MACROD2: variants seen among roughly 807,000 people sequenced by gnomAD.
The protein encoded by MACROD2 is ADP-ribose glycohydrolase MACROD2.
A neutral mutation model predicts 70.4 loss-of-function variants in MACROD2; 36 were observed. That is an observed-to-expected ratio of 0.51 (90% confidence interval 0.39 to 0.68). MACROD2 has a LOEUF of 0.68. Ranked by LOEUF, MACROD2 falls within the 30% of genes least tolerant of loss-of-function variation. The pLI, the probability that MACROD2 is intolerant of heterozygous loss-of-function variation, is 0.00. For missense variants in MACROD2, 496 were observed against 538.4 expected (o/e 0.92, Z 0.78); for synonymous variants, 172 against 178.8 (o/e 0.96, Z 0.30).
chr20:15,870,965 TCAGGAGTTTGAGAC>T (rs2064572198), intron 9 of MACROD2, among the ~76,000 whole-genome samples: 1 of 151,826 alleles, frequency 6.6e-6, no homozygotes, highest in Non-Finnish European at 1.5e-5. Flanking sequence ...GATCACAAGG[TCAGGAGTTTGAGAC>T]CAGCCTGGCA....
chr20:14,127,220 A>G (rs2054662624), intron 3 of MACROD2, among the ~76,000 whole-genome samples: 1 of 152,172 alleles, frequency 6.6e-6, no homozygotes, highest in African/African-American at 2.4e-5. Flanking sequence ...TGGATAGATG[A>G]TCAAATCAGC....
intron 2 of MACROD2, among the ~76,000 whole-genome samples, chr20:14,027,432 T>C (rs1440246297): frequency 6.6e-6 from 1 of 152,142 alleles, no homozygotes; most frequent in Admixed American, 6.5e-5. Context: ...AGGAGTTTGT[T>C]ATTACCCACC....
intron 5 of MACROD2, among the ~76,000 whole-genome samples, chr20:15,194,801 T>G (rs1236919719): frequency 6.6e-6 from 1 of 152,216 alleles, no homozygotes; most frequent in East Asian, 1.9e-4. Flanking sequence ...ACTTTTCTAG[T>G]CCAGGATCCA....
chr20:14,851,063 G>T (rs1430494082), intron 5 of MACROD2, among the ~76,000 whole-genome samples: 2 of 151,032 alleles, frequency 1.3e-5, no homozygotes, highest in Non-Finnish European at 2.9e-5. Flanking sequence ...AATTTTTTTT[G>T]GCCTTCTGCC....
At chr20:14,896,463 C>T (rs192234750) in intron 5 of MACROD2, among the ~76,000 whole-genome samples, 2 of 152,116 alleles carry the variant, frequency 1.3e-5, no homozygotes, top group South Asian at 2.1e-4. Flanking sequence ...TGTTTAACAG[C>T]GTAGTTACAG....
chr20:14,840,824 C>T (rs2073079059), intron 5 of MACROD2, among the ~76,000 whole-genome samples: 1 of 152,090 alleles, frequency 6.6e-6, no homozygotes, highest in South Asian at 2.1e-4. Context: ...AATATTTTAT[C>T]ATGATTCTGA....
At chr20:15,246,789 A>G (rs1467265610) in intron 6 of MACROD2, among the ~76,000 whole-genome samples, 3 of 152,228 alleles carry the variant, frequency 2.0e-5, no homozygotes, top group African/African-American at 7.2e-5. Flanking sequence ...CAGCATTATT[A>G]TTAATAGCAA....
At chr20:14,953,575 G>T (rs998076358) in intron 5 of MACROD2, among the ~76,000 whole-genome samples, 2 of 152,106 alleles carry the variant, frequency 1.3e-5, no homozygotes, top group Admixed American at 1.3e-4. Context: ...AAAGTTCAGG[G>T]ATTACAGGCG....
chr20:15,740,344 G>A (rs1054303490), intron 8 of MACROD2, among the ~76,000 whole-genome samples: 2 of 152,082 alleles, frequency 1.3e-5, no homozygotes, highest in African/African-American at 4.8e-5. Flanking sequence ...AGCCTAGTAC[G>A]ATTTACTGTT....
chr20:15,731,786 A>G (rs1480861919), intron 8 of MACROD2, among the ~76,000 whole-genome samples: 1 of 47,010 alleles, frequency 2.1e-5, no homozygotes, highest in African/African-American at 6.2e-5. Context: ...ACGGAGTTTC[A>G]CTCTTGTTGC....
intron 5 of MACROD2, among the ~76,000 whole-genome samples, chr20:15,115,595 C>T (rs1294375020): frequency 6.6e-6 from 1 of 151,974 alleles, no homozygotes; most frequent in African/African-American, 2.4e-5. Context: ...CAAGGTAATT[C>T]TTGATAGGAT....
At chr20:15,524,560 CTGT>C (rs1335541403) in intron 8 of MACROD2, among the ~76,000 whole-genome samples, 2 of 152,042 alleles carry the variant, frequency 1.3e-5, no homozygotes, top group East Asian at 1.9e-4. Flanking sequence ...TATATAATTT[CTGT>C]TCTAGGTGAA....
intron 3 of MACROD2, among the ~76,000 whole-genome samples, chr20:14,210,343 G>A (rs1268770957): frequency 6.6e-6 from 1 of 152,196 alleles, no homozygotes; most frequent in African/African-American, 2.4e-5. Context: ...CACATGTGCA[G>A]CTAAAAGTAG....
intron 10 of MACROD2, among the ~76,000 whole-genome samples, chr20:15,919,270 A>T (rs1199678794): frequency 6.6e-6 from 1 of 152,204 alleles, no homozygotes; most frequent in Non-Finnish European, 1.5e-5. Context: ...CATACTGGCA[A>T]TGCATAATTG....
At chr20:14,993,487 C>CA (rs2074924074) in intron 5 of MACROD2, among the ~76,000 whole-genome samples, 1 of 151,844 alleles carries the variant, frequency 6.6e-6, no homozygotes, top group Non-Finnish European at 1.5e-5. Flanking sequence ...GATACTAATC[C>CA]AAAAAAATTG....
intron 5 of MACROD2, among the ~76,000 whole-genome samples, chr20:14,782,585 A>G (rs1466630506): frequency 6.6e-6 from 1 of 152,070 alleles, no homozygotes; most frequent in Non-Finnish European, 1.5e-5. Context: ...ACATCTAATG[A>G]CTGGTTAATG....
intron 8 of MACROD2, among the ~76,000 whole-genome samples, chr20:15,841,913 A>G (rs773848400): frequency 1.3e-5 from 2 of 152,172 alleles, no homozygotes; most frequent in Non-Finnish European, 2.9e-5. Flanking sequence ...ATTTCCTCTT[A>G]TATAGTAATG....
At chr20:15,613,620 A>G (rs565320300) in intron 8 of MACROD2, among the ~76,000 whole-genome samples, 1 of 152,350 alleles carries the variant, frequency 6.6e-6, no homozygotes, top group South Asian at 2.1e-4. Context: ...CATGAAAGCT[A>G]TTTATAATGA....
chr20:14,496,052 C>A (rs1435975203), intron 4 of MACROD2, among the ~76,000 whole-genome samples: 1 of 152,068 alleles, frequency 6.6e-6, no homozygotes, highest in Non-Finnish European at 1.5e-5. Flanking sequence ...TATTTTTAGC[C>A]TTCTCTGAGC....
Sources: allele counts gnomAD v4.1 joint callset (sites outside exome capture counted in the v4.1 genomes callset), GRCh38; gene constraint gnomAD v4.1.1; transcripts MANE v1.5; gene names NCBI Gene and HGNC (gene_info 2026-07-23, HGNC 2026-07-21).